The following COL4A6 variants were observed in gnomAD, a reference collection of about 807,000 sequenced individuals.
COL4A6 encodes the protein collagen alpha-6(IV) chain.
In COL4A6, 59 loss-of-function variants were observed where a neutral mutation model predicts 126.7. That is an observed-to-expected ratio of 0.47 (90% confidence interval 0.38 to 0.58). The LOEUF (loss-of-function observed/expected upper bound fraction) is 0.58, where lower values mean the gene tolerates loss of function less well. COL4A6 is among the 20% of genes least tolerant of loss of function. The pLI is 0.00. For synonymous variants in COL4A6, 547 were observed against 496.6 expected, an observed-to-expected ratio of 1.10 and a Z score of -1.35; for missense variants, 1,285 against 1,337.3, an observed-to-expected ratio of 0.96 and a Z score of 0.61.
At position 108,206,564 on chromosome X, in the gene COL4A6, G is replaced by A; in HGVS notation, c.563C>T (p.Pro188Leu). 8.3e-7 allele frequency: 1 copy of A among 1,210,189 alleles called. No individual in the cohort carries two copies. Among genetic ancestry groups the A allele is most frequent in the Non-Finnish European group, 1.1e-6 (1 of 894,503 alleles). The change falls in exon 9 of 45, where the codon CCC (proline) becomes CTC (leucine). Residue 188 changes from proline to leucine, a missense_variant. Transcript: ENST00000334504. The stretch of plus-strand genomic sequence containing the variant: ...AGGTCCTACAGCTCCAGGAAATCCG[G>A]GTGCTCCTTGTGGGCCCTAGAGAGG... ...LDGITGPQGAPGFPGAVGPAG... is the reference protein window; with the variant it reads ...LDGITGPQGALGFPGAVGPAG...
At chrX:108,246,389 TCTG>T (rs1054065256) in intron 3 of COL4A6, among the ~76,000 whole-genome samples, 5 of 112,060 alleles carry the variant, frequency 4.5e-5, no homozygotes, top group African/African-American at 1.6e-4. Flanking sequence ...TCAAACTTTA[TCTG>T]CTAAGAGTCC....
intron 27 of COL4A6, 122 bp from the exon 28 acceptor site, chrX:108,177,133 T>A: frequency 1.6e-6 from 1 of 609,019 alleles, no homozygotes; most frequent in Non-Finnish European, 2.5e-6. Flanking sequence ...AATGGCCCTT[T>A]AACAATAGCA....
At chrX:108,417,366 A>T (rs1024464617) in intron 2 of COL4A6, among the ~76,000 whole-genome samples, 3 of 112,293 alleles carry the variant, frequency 2.7e-5, no homozygotes, top group Admixed American at 9.5e-5. Flanking sequence ...ATATAGTATT[A>T]TCATCATCCT....
intron 2 of COL4A6, among the ~76,000 whole-genome samples, chrX:108,351,003 C>G (rs2039826755): frequency 9.0e-6 from 1 of 111,087 alleles, no homozygotes; most frequent in African/African-American, 3.3e-5. Context: ...CAGTCAATCC[C>G]TCTGTAATAG....
chrX:108,426,182 C>T (rs763649548), intron 2 of COL4A6, among the ~76,000 whole-genome samples: 1 of 111,832 alleles, frequency 8.9e-6, no homozygotes, highest in South Asian at 3.8e-4. Flanking sequence ...CAATCCTCTT[C>T]CCTTGGGTAC....
intron 5 of COL4A6, among the ~76,000 whole-genome samples, chrX:108,214,914 A>G (rs1044661631): frequency 8.9e-6 from 1 of 112,404 alleles, no homozygotes; most frequent in African/African-American, 3.2e-5. Flanking sequence ...ATCTGAATTC[A>G]ATAATTTTCC....
intron 2 of COL4A6, among the ~76,000 whole-genome samples, chrX:108,321,603 A>G (rs191930902): frequency 1.4e-3 from 153 of 111,645 alleles, no homozygotes; most frequent in Non-Finnish European, 2.5e-3. Flanking sequence ...TTTCCAGATT[A>G]AAAAAACATC....
At chrX:108,250,775 C>A (rs1292166173) in intron 3 of COL4A6, among the ~76,000 whole-genome samples, 1 of 111,817 alleles carries the variant, frequency 8.9e-6, no homozygotes, top group Non-Finnish European at 1.9e-5. Context: ...GTACAGCAAC[C>A]TCTGAGGTCT....
At chrX:108,329,736 A>G (rs2039249015) in intron 2 of COL4A6, among the ~76,000 whole-genome samples, 1 of 111,499 alleles carries the variant, frequency 9.0e-6, no homozygotes, top group Admixed American at 9.6e-5. Context: ...TCATTGTACT[A>G]TTCTATTTTT....
chrX:108,293,817 T>C (rs1221253009), intron 3 of COL4A6, among the ~76,000 whole-genome samples: 1 of 112,376 alleles, frequency 8.9e-6, no homozygotes. Flanking sequence ...AAAAGTTATC[T>C]TTATGTTTTT....
chrX:108,246,739 C>T (rs1468924513), intron 3 of COL4A6, among the ~76,000 whole-genome samples: 3 of 110,196 alleles, frequency 2.7e-5, no homozygotes, highest in African/African-American at 9.9e-5. Context: ...GAGAAAGTGT[C>T]CTATTAGTCC....
intron 12 of COL4A6, 101 bp downstream of exon 12, chrX:108,204,219 C>A: frequency 1.6e-6 from 1 of 619,651 alleles, no homozygotes; most frequent in Non-Finnish European, 2.3e-6. Context: ...ACCCAGAACC[C>A]TCTATTCTTC....
intron 5 of COL4A6, among the ~76,000 whole-genome samples, chrX:108,217,007 C>G (rs1486278606): frequency 1.8e-5 from 2 of 112,479 alleles, no homozygotes; most frequent in African/African-American, 3.2e-5. Flanking sequence ...GCCCAACTCA[C>G]AGCTGGGATA....
chrX:108,354,238 T>C (rs1249079113), intron 2 of COL4A6, among the ~76,000 whole-genome samples: 4 of 111,558 alleles, frequency 3.6e-5, no homozygotes, highest in Non-Finnish European at 7.5e-5. Flanking sequence ...GAAAGAGACC[T>C]TGCAGATGAG....
Position 108,177,009 on chromosome X carries a change from G to A in COL4A6, c.2518C>T (p.His840Tyr). Residue 840 changes from histidine to tyrosine, a missense_variant and splice_region_variant, in exon 28 of 45, where the codon CAT (histidine) becomes TAT (tyrosine). Transcript: ENST00000334504. ...CCTCTTGTTCCTTTCTTTCCAGGATGTCCTGAATAAGCACAGGAGAGAACA... is the reference window on the plus strand; with the variant it reads ...CCTCTTGTTCCTTTCTTTCCAGGATATCCTGAATAAGCACAGGAGAGAACA... ...GAPGFPGISG[H>Y]PGKKGTRGKK... The A allele has an allele frequency of 8.3e-7, 1 of 1,209,449 alleles. No individual in the cohort carries two copies. Among genetic ancestry groups the A allele is most frequent in the Non-Finnish European group, 1.1e-6 (1 of 894,063 alleles).
Position 108,191,517 on chromosome X carries a change from T to G in COL4A6, c.1197A>C (p.Leu399=). The change falls in exon 19 of 45, where the codon CTA becomes CTC. Residue 399 remains leucine (L), a synonymous_variant. Transcript: ENST00000334504. ...LPALSGVPGA[L]GPQGFPGLKG... ...TCAGCCCTGGAAATCCCTGAGGCCC[T>G]AGGGCTCCTGGGACACCTGGAAGAA... 1.7e-6 allele frequency: 2 copies of G among 1,209,785 alleles called. No homozygotes were observed. Among genetic ancestry groups the G allele is most frequent in the South Asian group, 3.5e-5 (2 of 56,522 alleles).
chrX:108,406,991 T>C (rs986479967), intron 2 of COL4A6, among the ~76,000 whole-genome samples: 3 of 112,039 alleles, frequency 2.7e-5, no homozygotes, highest in Admixed American at 9.5e-5. Flanking sequence ...AGAAGTTCTG[T>C]AATTCTTTAA....
At chrX:108,280,650 T>C (rs1185970678) in intron 3 of COL4A6, among the ~76,000 whole-genome samples, 3 of 111,811 alleles carry the variant, frequency 2.7e-5, no homozygotes, top group Non-Finnish European at 3.8e-5. Flanking sequence ...TTTATGAGGC[T>C]AGCATCATCC....
At chrX:108,406,418 C>G (rs1217784067) in intron 2 of COL4A6, among the ~76,000 whole-genome samples, 1 of 112,444 alleles carries the variant, frequency 8.9e-6, no homozygotes, top group African/African-American at 3.2e-5. Flanking sequence ...CTAGAATCTT[C>G]TAGTAGATCA....
Sources: gnomAD v4.1 joint callset for allele counts (sites outside exome capture counted in the v4.1 genomes callset) on GRCh38, gnomAD v4.1.1 for gene constraint, MANE v1.5 for transcripts, NCBI Gene and HGNC (gene_info 2026-07-23, HGNC 2026-07-21) for gene names.